Variants in GRIA4 observed in about 807,000 individuals in gnomAD.
GRIA4 encodes glutamate receptor 4.
Under a neutral mutation model 104.0 loss-of-function variants are expected in GRIA4, and 34 were observed. The observed-to-expected ratio is 0.33, with a 90% CI of 0.25 to 0.44. The LOEUF is 0.44. GRIA4 is among the 20% of genes least tolerant of loss of function. The pLI, the probability that GRIA4 is intolerant of heterozygous loss-of-function variation, is 1.00. For synonymous variants in GRIA4, 386 were observed against 381.9 expected (o/e 1.01, Z -0.13); for missense variants, 750 against 1,096.5 (o/e 0.68, Z 4.46).
chr11:105,731,768 A>G (rs1009147339), intron 3 of GRIA4, among the ~76,000 whole-genome samples: 2 of 152,156 alleles, frequency 1.3e-5, no homozygotes, highest in African/African-American at 4.8e-5. Context: ...TCAGCAAACT[A>G]ACACAGAAAC....
At chr11:105,790,979 A>C (rs1163987107) in intron 4 of GRIA4, among the ~76,000 whole-genome samples, 4 of 152,200 alleles carry the variant, frequency 2.6e-5, no homozygotes, top group African/African-American at 9.6e-5. Flanking sequence ...ATCATCATGC[A>C]GAGCCTGTGT....
chr11:105,877,565 C>T (rs1056210062), intron 5 of GRIA4, among the ~76,000 whole-genome samples: 1 of 152,188 alleles, frequency 6.6e-6, no homozygotes, highest in Non-Finnish European at 1.5e-5. Flanking sequence ...TAGGTTTGGT[C>T]TTTTCACATA....
chr11:105,827,689 T>G (rs1319697342), intron 4 of GRIA4, among the ~76,000 whole-genome samples: 1 of 152,038 alleles, frequency 6.6e-6, no homozygotes, highest in African/African-American at 2.4e-5. Context: ...AGCTATGCAG[T>G]ATAACTGCTG....
intron 14 of GRIA4, among the ~76,000 whole-genome samples, chr11:105,953,607 TA>T (rs1948512047): frequency 1.4e-5 from 2 of 145,904 alleles, no homozygotes; most frequent in South Asian, 4.5e-4. Flanking sequence ...GGGAAAACTG[TA>T]GCACATATAC....
intron 11 of GRIA4, among the ~76,000 whole-genome samples, chr11:105,920,710 A>C (rs184468330): frequency 6.6e-6 from 1 of 152,214 alleles, no homozygotes; most frequent in African/African-American, 2.4e-5. Context: ...AAAGTTATGC[A>C]GTTCTCAAAG....
intron 16 of GRIA4, among the ~76,000 whole-genome samples, chr11:105,975,499 C>A (rs1371125444): frequency 6.6e-6 from 1 of 152,032 alleles, no homozygotes; most frequent in Non-Finnish European, 1.5e-5. Flanking sequence ...ATGTCCACTT[C>A]TTTCCTCTAG....
chr11:105,727,630 A>G (rs1204918337), intron 3 of GRIA4, among the ~76,000 whole-genome samples: 2 of 152,114 alleles, frequency 1.3e-5, no homozygotes, highest in Non-Finnish European at 2.9e-5. Flanking sequence ...CAGAGAGATA[A>G]AGCAGGTCGC....
intron 4 of GRIA4, among the ~76,000 whole-genome samples, chr11:105,807,505 A>G (rs1943000122): frequency 6.6e-6 from 1 of 151,938 alleles, no homozygotes; most frequent in Non-Finnish European, 1.5e-5. Context: ...ACCTCTGAGG[A>G]ATAAAAATTG....
chr11:105,953,583 A>G (rs1233927339), intron 14 of GRIA4, among the ~76,000 whole-genome samples: 1 of 152,058 alleles, frequency 6.6e-6, no homozygotes, highest in Non-Finnish European at 1.5e-5. Flanking sequence ...CTATTTTCTT[A>G]TTAGCATGGT....
In GRIA4 at chr11:105,755,914, G is replaced by T. The variant is rs549619364; in HGVS notation, c.487+2694G>T. Among the ~76,000 whole-genome samples the T allele has an allele frequency of 3.9e-5, 6 of 152,244 alleles. No individual in the cohort carries two copies. The South Asian group carries it at 1.2e-3, about 32-fold the overall frequency. ...CCATCCTCTGAATTTCAGTCCTTAG[G>T]ACTTGGACTAAGACGTCATTGCCTC... On this transcript the variant is annotated intron_variant, in intron 4 of 16. Coordinates refer to ENST00000282499, the MANE Select transcript of GRIA4 (RefSeq NM_000829.4).
At chr11:105,911,119 G>T (rs1461877274) in intron 10 of GRIA4, among the ~76,000 whole-genome samples, 2 of 151,728 alleles carry the variant, frequency 1.3e-5, no homozygotes, top group African/African-American at 4.8e-5. Flanking sequence ...ATGAGAAAAG[G>T]GTTTTCTTCC....
chr11:105,954,942 A>G (rs1948547751), intron 14 of GRIA4, among the ~76,000 whole-genome samples: 1 of 147,900 alleles, frequency 6.8e-6, no homozygotes, highest in South Asian at 2.1e-4. Context: ...TGCCATATAA[A>G]ATGTTATATA....
At chr11:105,894,791 A>ATTTTTTTTTTTTTTTT (rs569292239) in intron 6 of GRIA4, among the ~76,000 whole-genome samples, 2 of 126,366 alleles carry the variant, frequency 1.6e-5, no homozygotes, top group African/African-American at 6.3e-5. Flanking sequence ...ATTGCTACAT[A>ATTTTTTTTTTTTTTTT]TTTTTTTTTT....
chr11:105,895,192 C>A (rs1251682503), intron 6 of GRIA4, among the ~76,000 whole-genome samples: 1 of 151,730 alleles, frequency 6.6e-6, no homozygotes, highest in Non-Finnish European at 1.5e-5. Flanking sequence ...TGCAAAAGAA[C>A]CTTTACTAAA....
intron 3 of GRIA4, among the ~76,000 whole-genome samples, chr11:105,718,823 A>G (rs539532763): frequency 2.6e-5 from 4 of 152,258 alleles, no homozygotes; most frequent in South Asian, 2.1e-4. Context: ...TTGAGCTACC[A>G]GAGTATTGAA....
chr11:105,631,945 A>C (rs932363311), intron 3 of GRIA4, among the ~76,000 whole-genome samples: 1 of 152,156 alleles, frequency 6.6e-6, no homozygotes, highest in Non-Finnish European at 1.5e-5. Flanking sequence ...GAGAGCAAAT[A>C]AAAAACCCTA....
intron 4 of GRIA4, 100 bp from the exon 5 acceptor site, chr11:105,861,924 T>C: frequency 1.4e-6 from 1 of 700,912 alleles, no homozygotes; most frequent in Non-Finnish European, 2.5e-6. Flanking sequence ...GCATTCAGTA[T>C]ATTTTGGAAC....
At position 105,646,629 on chromosome 11, in the gene GRIA4, A is replaced by G. The variant is rs73636748; in HGVS notation, c.247+34195A>G. Among the ~76,000 whole-genome samples the G allele has an allele frequency of 4.5e-3, 680 of 152,334 alleles. 6 individuals carry two copies. Among genetic ancestry groups the G allele is most frequent in the African/African-American group, 0.015 (643 of 41,582 alleles). On this transcript the variant is annotated intron_variant, in intron 3 of 16. Coordinates refer to ENST00000282499, the MANE Select transcript of GRIA4 (RefSeq NM_000829.4). ...ATGGAACAGAATAGAGAACTTAGAA[A>G]TAAGACTGCACACCTACAATTATCT... is the stretch of plus-strand genomic sequence containing the variant.
intron 14 of GRIA4, among the ~76,000 whole-genome samples, chr11:105,947,080 G>T (rs1180506016): frequency 3.3e-5 from 5 of 152,114 alleles, no homozygotes; most frequent in Non-Finnish European, 7.4e-5. Flanking sequence ...TACATGAAAA[G>T]ACTCATTCAA....
Sources: allele counts gnomAD v4.1 joint callset (sites outside exome capture counted in the v4.1 genomes callset), GRCh38; gene constraint gnomAD v4.1.1; transcripts MANE v1.5; gene names NCBI Gene and HGNC (gene_info 2026-07-23, HGNC 2026-07-21).